Variants in MSH5 observed in about 807,000 individuals in gnomAD.
MSH5 encodes mutS homolog 5, also known as mutS protein homolog 5.
MSH5 carries 78 observed loss-of-function variants against 107.7 expected under a neutral mutation model. The ratio of observed to expected loss-of-function variants is 0.72; its 90% CI spans 0.60 to 0.87. The LOEUF is 0.87. Among genes scored for constraint, MSH5 ranks in the 40% least tolerant of loss-of-function variants. The pLI, the probability that MSH5 is intolerant of heterozygous loss-of-function variation, is 0.00. For missense variants in MSH5, 889 were observed against 1,046.6 expected, an observed-to-expected ratio of 0.85 and a Z score of 2.08; for synonymous variants, 326 against 399.5, an observed-to-expected ratio of 0.82 and a Z score of 2.19.
chr6:31,741,342 CACA>C, intron 3 of MSH5, 56 bp downstream of exon 3: 1 of 282,656 alleles, frequency 3.5e-6, no homozygotes. Context: ...GTGTTACACA[CACA>C]CACACACACA....
At chr6:31,743,859 A>G (rs1364460136) in intron 5 of MSH5, 45 bp from the exon 6 acceptor site, 1 of 1,596,268 alleles carries the variant, frequency 6.3e-7, no homozygotes, top group Non-Finnish European at 8.5e-7. Flanking sequence ...GGGGTGAAAA[A>G]ATTGAGCTAC....
chr6:31,743,258 C>T, intron 5 of MSH5, 88 bp downstream of exon 5: 5 of 1,393,950 alleles, frequency 3.6e-6, no homozygotes, highest in African/African-American at 1.4e-5. Context: ...CAGATCTCCC[C>T]TCTGCCTTAT....
At position 31,758,855 on chromosome 6, in the gene MSH5, A is replaced by G. The variant is rs996971599; in HGVS notation, c.1306A>G (p.Ser436Gly). 5 of 1,614,112 alleles carry G rather than the reference A, an allele frequency of 3.1e-6. No homozygotes were observed. The highest frequency in any genetic ancestry group is 3.4e-6 in the Non-Finnish European group (4 of 1,179,968). Reference protein sequence around the residue: ...ENLDSRIPSCSVIYIPLIGFL... With the variant: ...ENLDSRIPSCGVIYIPLIGFL... ...TCTGGACTCCCGTATTCCTTCATGC[A>G]GTGTCATCTACATCCCTCTGGTGAG... Residue 436 changes from serine to glycine, a missense_variant, in exon 15 of 25, where the codon AGT becomes GGT. Physicochemically the swap from Ser to Gly is moderately conservative, Grantham distance 56. Around this residue, in one of 3 missense-constraint regions of MSH5, gnomAD observed 518 missense variants for 565.0 expected, o/e 0.92. Transcript: ENST00000375750. This position sits in a 1 kb window ranked among gnomAD's most constrained non-coding sequence, Gnocchi z 5.1.
At chr6:31,742,839 G>C in intron 3 of MSH5, 38 bp from the exon 4 acceptor site, 1 of 1,597,762 alleles carries the variant, frequency 6.3e-7, no homozygotes, top group Non-Finnish European at 8.6e-7. Flanking sequence ...CAAAGACAAA[G>C]ATCCTTTAAC....
At chr6:31,743,860 A>T (rs1809144979) in intron 5 of MSH5, 44 bp from the exon 6 acceptor site, 1 of 1,596,492 alleles carries the variant, frequency 6.3e-7, no homozygotes, top group African/African-American at 1.3e-5. Flanking sequence ...GGGTGAAAAA[A>T]TTGAGCTACA....
In MSH5 at chr6:31,753,355, C is replaced by T. The variant is rs1044129510; in HGVS notation, c.867C>T (p.Asp289=). Residue 289 remains aspartate (D), a synonymous_variant, in exon 11 of 25, where the codon GAC becomes GAT. Transcript: ENST00000375750. ...HDLGELSSRL[D]VIQFFLLPQN... is the part of the protein sequence containing the mutation. ...TGGGGGAGCTCAGTTCTCGTCTGGA[C>T]GTCATTCAGTTTTTTCTGCTGCCCC... 1.9e-6 allele frequency: 3 copies of T among 1,614,040 alleles called. No individual in the cohort carries two copies. Among genetic ancestry groups the T allele is most frequent in the East Asian group, 2.2e-5 (1 of 44,894 alleles).
chr6:31,747,463 A>G, intron 10 of MSH5, 31 bp downstream of exon 10: 1 of 1,608,368 alleles, frequency 6.2e-7, no homozygotes, highest in Non-Finnish European at 8.5e-7. Context: ...CTACACACTA[A>G]TGCATGAATT....
chr6:31,754,666 T>C (rs1327555011), intron 12 of MSH5, among the ~76,000 whole-genome samples: 3 of 152,168 alleles, frequency 2.0e-5, no homozygotes, highest in Non-Finnish European at 4.4e-5. Context: ...CCTGAGATGC[T>C]GCACCTGGCT....
In MSH5 at chr6:31,750,410, A is replaced by C. The variant is rs558419793; in HGVS notation, c.813-2891A>C. ...GGCACCAAGAATATGACTGAATGTCACAGTATGCTCTAAAGGGCACTGTCC... is the reference window on the plus strand; with the variant it reads ...GGCACCAAGAATATGACTGAATGTCCCAGTATGCTCTAAAGGGCACTGTCC... On this transcript the variant is annotated intron_variant, in intron 10 of 24. Coordinates refer to ENST00000375750, the MANE Select transcript of MSH5 (RefSeq NM_172166.4). 9.8e-5 allele frequency among the ~76,000 whole-genome samples: 15 copies of C among 152,336 alleles called. 1 individual carries two copies. In the South Asian group the frequency reaches 3.1e-3, roughly 32 times the overall value.
At chr6:31,756,318 C>T (rs772472345) in intron 12 of MSH5, among the ~76,000 whole-genome samples, 1 of 151,658 alleles carries the variant, frequency 6.6e-6, no homozygotes, top group Non-Finnish European at 1.5e-5. Flanking sequence ...CTTACAGGCG[C>T]ACACCACCAC....
intron 12 of MSH5, chr6:31,754,076 A>G (rs2151364579): frequency 6.0e-6 from 1 of 165,808 alleles, no homozygotes; most frequent in Non-Finnish European, 1.3e-5. Flanking sequence ...AAAAATATTT[A>G]GAATAATATA....
Position 31,759,216 on chromosome 6 carries a change from A to G in MSH5, c.1407+39A>G. The G allele has an allele frequency of 6.4e-7, 1 of 1,570,978 alleles. No homozygotes were observed. Among genetic ancestry groups the G allele is most frequent in the Non-Finnish European group, 8.8e-7 (1 of 1,142,320 alleles). ...CCTCTGTAAGGTGAGTGATGAGGAA[A>G]ATGAGTCAGCAGCTGAGGAAGAGCG... On this transcript the variant is annotated intron_variant, in intron 16 of 24. Coordinates refer to ENST00000375750, the MANE Select transcript of MSH5 (RefSeq NM_172166.4). This position sits in a 1 kb window ranked among gnomAD's most constrained non-coding sequence, Gnocchi z 4.7.
chr6:31,758,455 A>G lies in MSH5; in HGVS notation c.1144-93A>G, dbSNP rs1387138132. The stretch of plus-strand genomic sequence containing the variant: ...GGGAAGTATCTGGAGGGTGAGAGTT[A>G]AAGGAGGACTGCAGGGAGAATTGGG... On this transcript the variant is annotated intron_variant, in intron 13 of 24. Transcript: ENST00000375750. This position sits in a 1 kb window ranked among gnomAD's most constrained non-coding sequence, Gnocchi z 5.1. 10 of 1,562,418 alleles carry G rather than the reference A, an allele frequency of 6.4e-6. No homozygotes were observed. Among genetic ancestry groups the G allele is most frequent in the Non-Finnish European group, 8.8e-6 (10 of 1,137,000 alleles).
At chr6:31,752,517 C>T (rs933308146) in intron 10 of MSH5, among the ~76,000 whole-genome samples, 4 of 152,084 alleles carry the variant, frequency 2.6e-5, no homozygotes, top group Admixed American at 6.6e-5. Context: ...GTCAAGAGAT[C>T]GAGATCATTC....
chr6:31,744,924 A>G (rs370984875), intron 8 of MSH5, among the ~76,000 whole-genome samples: 2 of 152,042 alleles, frequency 1.3e-5, no homozygotes, highest in Admixed American at 6.5e-5. Context: ...GACCTGACCA[A>G]TATGGTAAAA....
intron 4 of MSH5, 65 bp from the exon 5 acceptor site, chr6:31,743,043 G>A (rs1255256415): frequency 1.2e-6 from 2 of 1,609,566 alleles, no homozygotes; most frequent in Non-Finnish European, 1.7e-6. Context: ...GTGAGAGGGA[G>A]TGTCAGACAG....
intron 10 of MSH5, chr6:31,751,404 G>C (rs1809946552): frequency 6.6e-6 from 1 of 152,216 alleles, no homozygotes; most frequent in Non-Finnish European, 1.5e-5. Flanking sequence ...GGGAGGCCGA[G>C]GCAGGTGGAA....
At position 31,761,804 on chromosome 6, in the gene MSH5, T is replaced by C. The variant is rs907334534; in HGVS notation, c.2182-14T>C. 42 of 1,612,980 alleles carry C rather than the reference T, an allele frequency of 2.6e-5. 1 individual carries two copies. In the Admixed American group the frequency reaches 7.0e-4, roughly 27 times the overall value. ...AGGTGATTGATGATACACTGTCTTTTATTCTCTTTTAAGACCATGGAGACC... is the reference window on the plus strand; with the variant it reads ...AGGTGATTGATGATACACTGTCTTTCATTCTCTTTTAAGACCATGGAGACC... On this transcript the variant is annotated splice_polypyrimidine_tract_variant and intron_variant, in intron 22 of 24. Transcript: ENST00000375750. The surrounding 1 kb of genome is among the most constrained non-coding windows in gnomAD (Gnocchi z 5.3).
In MSH5 at chr6:31,758,244, A is replaced by C. The variant is rs1425099380; in HGVS notation, c.1094A>C (p.Gln365Pro). ...QSIQLFRDIA[Q>P]EFSDDLHHIA... Reference sequence around the variant, plus strand: ...ATCCAGCTCTTTCGGGACATTGCCCAAGAGTTCTCTGATGACCTGCACCAT... The same window carrying C: ...ATCCAGCTCTTTCGGGACATTGCCCCAGAGTTCTCTGATGACCTGCACCAT... Residue 365 changes from glutamine to proline, a missense_variant, in exon 13 of 25, where the codon CAA becomes CCA. Gln to Pro is a moderately conservative substitution (Grantham distance 76). Around this residue, in one of 3 missense-constraint regions of MSH5, gnomAD observed 518 missense variants for 565.0 expected, o/e 0.92. Coordinates refer to ENST00000375750, the MANE Select transcript of MSH5 (RefSeq NM_172166.4). The surrounding 1 kb of genome is among the most constrained non-coding windows in gnomAD (Gnocchi z 5.1). 1 of 1,613,050 alleles carries C rather than the reference A, an allele frequency of 6.2e-7. No homozygotes were observed. The highest frequency in any genetic ancestry group is 2.2e-5 in the East Asian group (1 of 44,880).
Sources: gnomAD v4.1 joint callset for allele counts (sites outside exome capture counted in the v4.1 genomes callset) on GRCh38, gnomAD v4.1.1 for gene constraint, gnomAD v4.1.1 regional missense constraint, Gnocchi (gnomAD v3.1) non-coding constraint, MANE v1.5 for transcripts, NCBI Gene and HGNC (gene_info 2026-07-23, HGNC 2026-07-21) for gene names.